The following MAP2 variants were observed in gnomAD, a reference collection of about 807,000 sequenced individuals.
MAP2 encodes the protein microtubule-associated protein 2.
Under a neutral mutation model 137.6 loss-of-function variants are expected in MAP2, and 14 were observed. The observed-to-expected ratio is 0.10, with a 90% CI of 0.07 to 0.16. MAP2 has a LOEUF of 0.16. MAP2 is among the 10% of genes least tolerant of loss of function. MAP2 has a pLI of 1.00. For synonymous variants in MAP2, 786 were observed against 782.3 expected (o/e 1.00, Z -0.08); for missense variants, 2,088 against 2,191.5 (o/e 0.95, Z 0.94).
At chr2:209,531,028 G>A (rs1450372019) in intron 2 of MAP2, among the ~76,000 whole-genome samples, 1 of 152,006 alleles carries the variant, frequency 6.6e-6, no homozygotes, top group Non-Finnish European at 1.5e-5. Context: ...CACTATTTTC[G>A]CCAATGCTGT....
intron 3 of MAP2, among the ~76,000 whole-genome samples, chr2:209,603,615 C>G (rs1443742931): frequency 6.6e-6 from 1 of 152,154 alleles, no homozygotes; most frequent in Non-Finnish European, 1.5e-5. Flanking sequence ...GAAGGGGTTA[C>G]TCCCAGTCTT....
intron 1 of MAP2, among the ~76,000 whole-genome samples, chr2:209,438,790 G>A (rs1234327761): frequency 6.6e-6 from 1 of 151,322 alleles, no homozygotes; most frequent in Non-Finnish European, 1.5e-5. Context: ...ACGATGACAC[G>A]GCTCTCTGGT....
chr2:209,542,578 A>G (rs1264908608), intron 2 of MAP2, among the ~76,000 whole-genome samples: 1 of 152,238 alleles, frequency 6.6e-6, no homozygotes, highest in Admixed American at 6.5e-5. Context: ...TTAACAATCT[A>G]TTGTGTAGTG....
At chr2:209,572,576 T>C (rs1020216218) in intron 2 of MAP2, among the ~76,000 whole-genome samples, 1 of 152,092 alleles carries the variant, frequency 6.6e-6, no homozygotes, top group African/African-American at 2.4e-5. Context: ...TAAACTTAAA[T>C]GAAATATCAA....
At chr2:209,455,288 T>C (rs1177406434) in intron 1 of MAP2, among the ~76,000 whole-genome samples, 2 of 152,234 alleles carry the variant, frequency 1.3e-5, no homozygotes, top group Admixed American at 1.3e-4. Context: ...TGATAGATAA[T>C]CTGTCCAAGG....
chr2:209,664,283 C>CT (rs1254456098), intron 5 of MAP2, among the ~76,000 whole-genome samples: 1 of 152,202 alleles, frequency 6.6e-6, no homozygotes, highest in Non-Finnish European at 1.5e-5. Flanking sequence ...GGCATGGTGG[C>CT]TTGCGCCTGT....
chr2:209,492,916 T>C (rs1158176817), intron 1 of MAP2, among the ~76,000 whole-genome samples: 1 of 152,208 alleles, frequency 6.6e-6, no homozygotes, highest in African/African-American at 2.4e-5. Context: ...ACTGACTTTC[T>C]TCACAGAATT....
chr2:209,427,697 G>A (rs971898455), intron 1 of MAP2, among the ~76,000 whole-genome samples: 2 of 152,130 alleles, frequency 1.3e-5, no homozygotes, highest in African/African-American at 4.8e-5. Flanking sequence ...TATTCATTAT[G>A]AGAAACAACT....
chr2:209,603,071 T>A (rs1457796086), intron 3 of MAP2, among the ~76,000 whole-genome samples: 1 of 152,122 alleles, frequency 6.6e-6, no homozygotes, highest in African/African-American at 2.4e-5. Flanking sequence ...AGAAAGAGGA[T>A]TGCCAGCTGT....
chr2:209,622,336 G>A (rs2091394673), intron 3 of MAP2, among the ~76,000 whole-genome samples: 1 of 152,184 alleles, frequency 6.6e-6, no homozygotes, highest in Admixed American at 6.5e-5. Context: ...TCTAGCCAGA[G>A]TTGAAGACCT....
chr2:209,729,875 T>C lies in MAP2; in HGVS notation c.5181T>C (p.Ser1727=), dbSNP rs376936549. The change falls in exon 15 of 16, where the codon AGT becomes AGC. Residue 1727 remains serine (S), a synonymous_variant. Transcript: ENST00000682079. ...RPGGGRVKIE[S]VKLDFKEKAQ... is the part of the protein sequence containing the mutation. Reference sequence around the variant, plus strand: ...GTGGCGGACGTGTGAAAATTGAGAGTGTAAAACTAGATTTCAAAGAAAAGG... The same window carrying C: ...GTGGCGGACGTGTGAAAATTGAGAGCGTAAAACTAGATTTCAAAGAAAAGG... 60 of 1,613,220 alleles carry C rather than the reference T, an allele frequency of 3.7e-5. No individual in the cohort carries two copies. The African/African-American group carries it at 6.3e-4, about 17-fold the overall frequency.
chr2:209,543,466 ATCT>A (rs1298977095), intron 2 of MAP2, among the ~76,000 whole-genome samples: 1 of 152,208 alleles, frequency 6.6e-6, no homozygotes, highest in African/African-American at 2.4e-5. Flanking sequence ...GTTACCACAA[ATCT>A]TCAATTTGTG....
In MAP2 at chr2:209,695,784, A is replaced by G. The variant is rs1340513019; in HGVS notation, c.3614A>G (p.Lys1205Arg). Residue 1205 changes from lysine (K) to arginine (R), a missense_variant, in exon 8 of 16, where the codon AAA becomes AGA. Physicochemically the swap from Lys to Arg is conservative, Grantham distance 26. Around this residue, in one of 6 missense-constraint regions of MAP2, gnomAD observed 591 missense variants for 642.6 expected, o/e 0.92. Transcript: ENST00000682079. ...ATTCAGGGGCCAAAAGAAGAAAGCA[A>G]AGAGACCCCAGATATATCCATCACG... ...EFIQGPKEES[K>R]ETPDISITPS... 9 of 1,613,848 alleles carry G rather than the reference A, an allele frequency of 5.6e-6. No individual in the cohort carries two copies. In the African/African-American group the frequency reaches 9.3e-5, roughly 17 times the overall value.
chr2:209,692,595 T>C, intron 7 of MAP2, 30 bp from the exon 8 acceptor site: 2 of 1,528,686 alleles, frequency 1.3e-6, no homozygotes, highest in Non-Finnish European at 1.8e-6. Flanking sequence ...TTGCCTATTA[T>C]TTGTTTAAAA....
At chr2:209,642,628 T>C (rs1459012981) in intron 4 of MAP2, among the ~76,000 whole-genome samples, 1 of 152,140 alleles carries the variant, frequency 6.6e-6, no homozygotes, top group Non-Finnish European at 1.5e-5. Flanking sequence ...TTTCTAATTG[T>C]TTATTAGTCA....
intron 11 of MAP2, among the ~76,000 whole-genome samples, chr2:209,701,763 G>A (rs1004835136): frequency 1.3e-5 from 2 of 151,934 alleles, no homozygotes; most frequent in Non-Finnish European, 1.5e-5. Context: ...TATTGCTTTG[G>A]TGAATATTAG....
intron 3 of MAP2, among the ~76,000 whole-genome samples, chr2:209,598,944 G>A (rs928205485): frequency 1.2e-4 from 18 of 151,742 alleles, no homozygotes; most frequent in Admixed American, 3.9e-4. Context: ...ATGATTTATA[G>A]TCCTTTGGGT....
chr2:209,629,244 T>C (rs1162286846), intron 4 of MAP2, among the ~76,000 whole-genome samples: 1 of 152,220 alleles, frequency 6.6e-6, no homozygotes, highest in Non-Finnish European at 1.5e-5. Flanking sequence ...TAGTTTAGAT[T>C]TTACTTTATC....
intron 2 of MAP2, among the ~76,000 whole-genome samples, chr2:209,561,678 G>A (rs2072134987): frequency 6.6e-6 from 1 of 152,128 alleles, no homozygotes; most frequent in African/African-American, 2.4e-5. Context: ...AAGAAAATAT[G>A]ATTACTTCTT....
Sources: gnomAD v4.1 joint callset for allele counts (sites outside exome capture counted in the v4.1 genomes callset) on GRCh38, gnomAD v4.1.1 for gene constraint, gnomAD v4.1.1 regional missense constraint, MANE v1.5 for transcripts, NCBI Gene and HGNC (gene_info 2026-07-23, HGNC 2026-07-21) for gene names.